AFG2A: variants seen among roughly 807,000 people sequenced by gnomAD.
The protein encoded by AFG2A is ATPase family gene 2 protein homolog A.
At chr4:123,208,196 T>C in the AFG2A span, among the ~76,000 whole-genome samples, 1 of 152,186 alleles carries the variant, frequency 6.6e-6, no homozygotes, top group Non-Finnish European at 1.5e-5. Context: ...GGGGAAATAA[T>C]AGATTCTTCA....
At chr4:122,942,793 C>T in the AFG2A span, among the ~76,000 whole-genome samples, 2 of 151,202 alleles carry the variant, frequency 1.3e-5, no homozygotes, top group East Asian at 3.9e-4. Flanking sequence ...TTTCCCTCTA[C>T]ACACTGCTTT....
the AFG2A span, among the ~76,000 whole-genome samples, chr4:123,018,018 A>G: frequency 1.3e-5 from 2 of 152,302 alleles, no homozygotes; most frequent in Middle Eastern, 3.4e-3. Flanking sequence ...ATTTGTCCAT[A>G]AAAGTATTTT....
At chr4:123,156,056 T>TA in the AFG2A span, among the ~76,000 whole-genome samples, 1 of 152,140 alleles carries the variant, frequency 6.6e-6, no homozygotes, top group East Asian at 1.9e-4. Flanking sequence ...AGCTTTTACT[T>TA]ACGGTAGAAG....
At chr4:123,118,355 A>ATATATATATAT in the AFG2A span, among the ~76,000 whole-genome samples, 1,124 of 134,182 alleles carry the variant, frequency 8.4e-3, 15 homozygotes, top group South Asian at 0.055. Context: ...TATATATATT[A>ATATATATATAT]TATATATATA....
the AFG2A span, among the ~76,000 whole-genome samples, chr4:123,164,434 G>T: frequency 6.6e-6 from 1 of 152,064 alleles, no homozygotes; most frequent in Non-Finnish European, 1.5e-5. Flanking sequence ...CACGATCTCG[G>T]CTCACTACAA....
At chr4:123,198,984 A>G in the AFG2A span, among the ~76,000 whole-genome samples, 74 of 152,294 alleles carry the variant, frequency 4.9e-4, no homozygotes, top group Middle Eastern at 0.01. Context: ...TTGAGGCACA[A>G]TAGTACTGGT....
the AFG2A span, among the ~76,000 whole-genome samples, chr4:122,944,535 G>A: frequency 6.6e-5 from 10 of 151,932 alleles, no homozygotes; most frequent in Admixed American, 1.3e-4. Context: ...TTATACATTC[G>A]CCTAAATTTT....
At chr4:123,144,489 T>A in the AFG2A span, among the ~76,000 whole-genome samples, 2 of 152,060 alleles carry the variant, frequency 1.3e-5, no homozygotes, top group East Asian at 3.8e-4. Flanking sequence ...GGGTGCCAGA[T>A]GCAAGGGAAG....
At chr4:123,103,041 A>G in the AFG2A span, among the ~76,000 whole-genome samples, 4 of 152,026 alleles carry the variant, frequency 2.6e-5, no homozygotes, top group East Asian at 7.7e-4. Context: ...TTTCTATTTG[A>G]TAACTTTGGT....
chr4:123,043,725 T>A, the AFG2A span, among the ~76,000 whole-genome samples: 2 of 152,292 alleles, frequency 1.3e-5, no homozygotes, highest in African/African-American at 2.4e-5. Context: ...TAAATCAGGA[T>A]TGTAAGATAA....
At chr4:123,198,316 G>T in the AFG2A span, among the ~76,000 whole-genome samples, 1 of 151,672 alleles carries the variant, frequency 6.6e-6, no homozygotes, top group Admixed American at 6.6e-5. Context: ...GCATGTAGCT[G>T]CCCAGAGCCT....
the AFG2A span, among the ~76,000 whole-genome samples, chr4:122,939,071 C>CTCTCTTTTTTTTTT: frequency 2.6e-5 from 2 of 76,210 alleles, 1 homozygote; most frequent in African/African-American, 1.1e-4. Flanking sequence ...GGGATATGTT[C>CTCTCTTTTTTTTTT]TTTCTTTTTT....
chr4:123,064,348 A>G, the AFG2A span, among the ~76,000 whole-genome samples: 1 of 152,240 alleles, frequency 6.6e-6, no homozygotes, highest in African/African-American at 2.4e-5. Flanking sequence ...TGGGCTAATA[A>G]TAATATTAGA....
the AFG2A span, among the ~76,000 whole-genome samples, chr4:123,112,160 G>C: frequency 6.6e-6 from 1 of 152,118 alleles, no homozygotes; most frequent in Admixed American, 6.5e-5. Context: ...AAATCTTTTA[G>C]AGTCTCCCTT....
the AFG2A span, among the ~76,000 whole-genome samples, chr4:123,087,367 G>C: frequency 9.3e-4 from 141 of 152,276 alleles, 3 homozygotes; most frequent in African/African-American, 3.2e-3. Context: ...CCATGGGAAA[G>C]GCTAGAGAGG....
chr4:123,245,212 C>G, the AFG2A span, among the ~76,000 whole-genome samples: 1 of 152,034 alleles, frequency 6.6e-6, no homozygotes, highest in Admixed American at 6.6e-5. Flanking sequence ...TAACAGGAGA[C>G]GATGCTGGGA....
chr4:122,935,836 A>G, the AFG2A span: 1 of 1,607,930 alleles, frequency 6.2e-7, no homozygotes, highest in Non-Finnish European at 8.5e-7. Flanking sequence ...TCCTGAAATT[A>G]TAAGCAAGTA....
the AFG2A span, among the ~76,000 whole-genome samples, chr4:123,192,535 C>A: frequency 6.6e-6 from 1 of 152,178 alleles, no homozygotes; most frequent in East Asian, 1.9e-4. Flanking sequence ...AAATTCAGTT[C>A]CTTAGTTTCA....
the AFG2A span, among the ~76,000 whole-genome samples, chr4:123,016,365 T>C: frequency 7.1e-6 from 1 of 141,496 alleles, no homozygotes; most frequent in East Asian, 2.2e-4. Flanking sequence ...ACTTCTCATA[T>C]GGGGCGGTTG....
Sources: allele counts gnomAD v4.1 joint callset (sites outside exome capture counted in the v4.1 genomes callset), GRCh38; gene constraint gnomAD v4.1.1; transcripts MANE v1.5; gene names NCBI Gene and HGNC (gene_info 2026-07-23, HGNC 2026-07-21).